The following SH3RF3 variants were observed in gnomAD, a reference collection of about 807,000 sequenced individuals.
SH3RF3 encodes the protein SH3 domain containing ring finger 3, also known as E3 ubiquitin-protein ligase SH3RF3.
Under a neutral mutation model 66.3 loss-of-function variants are expected in SH3RF3, and 29 were observed. The ratio of observed to expected loss-of-function variants is 0.44; its 90% CI spans 0.33 to 0.60. The LOEUF is 0.60. Ranked by LOEUF, SH3RF3 falls within the 20% of genes least tolerant of loss-of-function variation. The pLI is 0.04. For synonymous variants in SH3RF3, 583 were observed against 532.0 expected, an observed-to-expected ratio of 1.10 and a Z score of -1.32; for missense variants, 1,194 against 1,190.9, an observed-to-expected ratio of 1.00 and a Z score of -0.04.
chr2:109,302,749 GAC>G (rs72003405), intron 1 of SH3RF3, among the ~76,000 whole-genome samples: 43,647 of 151,968 alleles, frequency 0.29, 8,518 homozygotes, highest in African/African-American at 0.55. Flanking sequence ...CCTGTTTTCA[GAC>G]ACGACATTTC....
chr2:109,413,450 CTG>C (rs1232724858), intron 4 of SH3RF3, among the ~76,000 whole-genome samples: 2 of 152,222 alleles, frequency 1.3e-5, no homozygotes, highest in African/African-American at 4.8e-5. Context: ...TAACAGGAAA[CTG>C]CCGGGGCTAC....
intron 4 of SH3RF3, among the ~76,000 whole-genome samples, chr2:109,400,906 G>A (rs1278790991): frequency 6.6e-6 from 1 of 152,164 alleles, no homozygotes; most frequent in African/African-American, 2.4e-5. Context: ...TTCTGTAAGG[G>A]GAAAAGCATA....
chr2:109,211,090 A>G (rs1228874296), intron 1 of SH3RF3, among the ~76,000 whole-genome samples: 1 of 152,112 alleles, frequency 6.6e-6, no homozygotes, highest in Non-Finnish European at 1.5e-5. Flanking sequence ...TTTGGTTAAT[A>G]TGCCCATTTA....
chr2:109,204,259 C>T (rs1351105912), intron 1 of SH3RF3, among the ~76,000 whole-genome samples: 1 of 152,156 alleles, frequency 6.6e-6, no homozygotes, highest in Non-Finnish European at 1.5e-5. Flanking sequence ...TTTGCTTATG[C>T]CCTGTTGCTT....
intron 2 of SH3RF3, among the ~76,000 whole-genome samples, chr2:109,370,666 G>A (rs770657681): frequency 1.3e-5 from 2 of 151,926 alleles, no homozygotes; most frequent in South Asian, 2.1e-4. Flanking sequence ...CCTGCCATTC[G>A]TCTCTGTGTC....
chr2:109,318,878 G>C (rs543859155), intron 1 of SH3RF3, among the ~76,000 whole-genome samples: 1 of 152,370 alleles, frequency 6.6e-6, no homozygotes, highest in East Asian at 1.9e-4. Context: ...ACCAAAGCCA[G>C]CTGGAATTCC....
chr2:109,355,526 C>T (rs930943058), intron 2 of SH3RF3, among the ~76,000 whole-genome samples: 2 of 152,218 alleles, frequency 1.3e-5, no homozygotes, highest in Non-Finnish European at 2.9e-5. Flanking sequence ...ACCTACAACT[C>T]CTGAAATAGT....
At chr2:109,330,855 T>A (rs1682266780) in intron 1 of SH3RF3, among the ~76,000 whole-genome samples, 1 of 152,324 alleles carries the variant, frequency 6.6e-6, no homozygotes, top group Middle Eastern at 3.4e-3. Context: ...ATAAGCAGGA[T>A]CCCTCTTAAG....
intron 2 of SH3RF3, 22 bp downstream of exon 2, chr2:109,347,971 G>C: frequency 1.3e-6 from 2 of 1,574,270 alleles, no homozygotes; most frequent in East Asian, 2.3e-5. Context: ...CCCGGGGTGG[G>C]CCCCGCCAGC....
intron 1 of SH3RF3, among the ~76,000 whole-genome samples, chr2:109,252,880 T>C (rs1680127956): frequency 6.6e-6 from 1 of 152,208 alleles, no homozygotes; most frequent in African/African-American, 2.4e-5. Flanking sequence ...GGGTATTGTA[T>C]TGTACCATCA....
chr2:109,359,465 C>T (rs928095713), intron 2 of SH3RF3, among the ~76,000 whole-genome samples: 1 of 152,020 alleles, frequency 6.6e-6, no homozygotes, highest in Admixed American at 6.6e-5. Context: ...TTTAATTTTC[C>T]CTATATACAT....
rs545684738 is a variant in SH3RF3, at chr2:109,349,587, C to A, written c.849+1638C>A. Among the ~76,000 whole-genome samples the A allele has an allele frequency of 2.0e-5, 3 of 152,308 alleles. No homozygotes were observed. The East Asian group carries it at 5.8e-4, about 29-fold the overall frequency. ...CAGGGACCTCTGAACTCTCAGGGTCCGGTCAGGGCCTTGCTAAGGAGACAG... is the reference window on the plus strand; with the variant it reads ...CAGGGACCTCTGAACTCTCAGGGTCAGGTCAGGGCCTTGCTAAGGAGACAG... On this transcript the variant is annotated intron_variant, in intron 2 of 9. Transcript: ENST00000309415.
At chr2:109,297,102 GC>G (rs1681331372) in intron 1 of SH3RF3, among the ~76,000 whole-genome samples, 1 of 151,934 alleles carries the variant, frequency 6.6e-6, no homozygotes, top group Non-Finnish European at 1.5e-5. Flanking sequence ...GGGATGGGAA[GC>G]CCAATACGGC....
chr2:109,413,644 C>G (rs1193921840), intron 4 of SH3RF3, among the ~76,000 whole-genome samples: 1 of 152,216 alleles, frequency 6.6e-6, no homozygotes, highest in Non-Finnish European at 1.5e-5. Flanking sequence ...TCTCTGGCCC[C>G]CACATTCCCC....
chr2:109,270,022 T>A (rs1680587828), intron 1 of SH3RF3, among the ~76,000 whole-genome samples: 1 of 152,170 alleles, frequency 6.6e-6, no homozygotes, highest in Non-Finnish European at 1.5e-5. Context: ...CTTAATAGAT[T>A]GCGATTGAAG....
At position 109,129,205 on chromosome 2, in the gene SH3RF3, A is replaced by C; in HGVS notation, c.-336A>C. 1 of 504,318 alleles carries C rather than the reference A, an allele frequency of 2.0e-6. No homozygotes were observed. Among genetic ancestry groups the C allele is most frequent in the Admixed American group, 2.8e-5 (1 of 35,424 alleles). 31.2% of individuals were successfully genotyped at this position (504,318 alleles called of 1,614,324 possible). On this transcript the variant is annotated 5_prime_UTR_variant, in exon 1 of 10. Coordinates refer to ENST00000309415, the MANE Select transcript of SH3RF3 (RefSeq NM_001099289.3). ...CCAGGCGCGAGCCGCCGCTTGCAGC[A>C]CAGAACCCGTTGAGCTTCGTGCCCG...
chr2:109,178,261 C>T (rs906674982), intron 1 of SH3RF3, among the ~76,000 whole-genome samples: 6 of 152,116 alleles, frequency 3.9e-5, no homozygotes, highest in East Asian at 1.9e-4. Flanking sequence ...TAGTTGTCAA[C>T]GTTTTTATCT....
chr2:109,235,019 G>C (rs1361086598), intron 1 of SH3RF3, among the ~76,000 whole-genome samples: 1 of 152,146 alleles, frequency 6.6e-6, no homozygotes, highest in Non-Finnish European at 1.5e-5. Flanking sequence ...ATCTTTAGAA[G>C]CTGCCCTGGT....
At chr2:109,241,383 C>T (rs776966376) in intron 1 of SH3RF3, among the ~76,000 whole-genome samples, 1 of 152,216 alleles carries the variant, frequency 6.6e-6, no homozygotes, top group African/African-American at 2.4e-5. Context: ...ACCCTCTCCC[C>T]TTTTCTAGGG....
Sources: gnomAD v4.1 joint callset for allele counts (sites outside exome capture counted in the v4.1 genomes callset) on GRCh38, gnomAD v4.1.1 for gene constraint, MANE v1.5 for transcripts, NCBI Gene and HGNC (gene_info 2026-07-23, HGNC 2026-07-21) for gene names.